Variants in GTF2B observed in about 807,000 individuals in gnomAD.
GTF2B encodes transcription initiation factor IIB.
GTF2B carries 20 observed loss-of-function variants against 34.6 expected under a neutral mutation model. The observed-to-expected ratio is 0.58, with a 90% CI of 0.41 to 0.84. The LOEUF (loss-of-function observed/expected upper bound fraction) is 0.84, where lower values mean the gene tolerates loss of function less well. GTF2B is among the 40% of genes least tolerant of loss of function. GTF2B has a pLI of 0.00. For missense variants in GTF2B, 237 were observed against 393.3 expected, an observed-to-expected ratio of 0.60 and a Z score of 3.36; for synonymous variants, 142 against 132.4, an observed-to-expected ratio of 1.07 and a Z score of -0.50.
intron 2 of GTF2B, among the ~76,000 whole-genome samples, chr1:88,882,120 G>C (rs1027419822): frequency 6.6e-6 from 1 of 151,952 alleles, no homozygotes; most frequent in African/African-American, 2.4e-5. Flanking sequence ...AACTAGCCTG[G>C]ACAACGTGGT....
intron 2 of GTF2B, among the ~76,000 whole-genome samples, chr1:88,873,907 A>G (rs1249817943): frequency 6.6e-6 from 1 of 152,234 alleles, no homozygotes; most frequent in Admixed American, 6.5e-5. Flanking sequence ...ATACATGCCC[A>G]TGTAAAACTC....
chr1:88,873,385 G>C (rs959511130), intron 2 of GTF2B, among the ~76,000 whole-genome samples: 1 of 151,626 alleles, frequency 6.6e-6, no homozygotes, highest in Non-Finnish European at 1.5e-5. Context: ...ATTTTTAGTA[G>C]AGACGAGGTT....
At chr1:88,874,497 ATTT>A (rs56331310) in intron 2 of GTF2B, among the ~76,000 whole-genome samples, 60,752 of 83,134 alleles carry the variant, frequency 0.73, 23,244 homozygotes, top group Non-Finnish European at 0.85. Context: ...AGCTAATTAA[ATTT>A]TTTTTTTTTT....
At chr1:88,865,703 T>G (rs992694573) in intron 2 of GTF2B, among the ~76,000 whole-genome samples, 8 of 151,360 alleles carry the variant, frequency 5.3e-5, no homozygotes, top group Non-Finnish European at 1.2e-4. Flanking sequence ...AAATACAAAA[T>G]AGCTGGGCGT....
intron 2 of GTF2B, among the ~76,000 whole-genome samples, chr1:88,866,433 G>C (rs538776517): frequency 2.0e-5 from 3 of 152,100 alleles, no homozygotes; most frequent in Admixed American, 6.5e-5. Flanking sequence ...TTTTCAGACA[G>C]GGTCTCACTC....
chr1:88,875,971 T>G (rs1272673744), intron 2 of GTF2B, among the ~76,000 whole-genome samples: 1 of 152,188 alleles, frequency 6.6e-6, no homozygotes, highest in East Asian at 1.9e-4. Context: ...TTTCCCCTTC[T>G]GTAAAATGGA....
chr1:88,869,048 G>A (rs1281498152), intron 2 of GTF2B, among the ~76,000 whole-genome samples: 7 of 152,028 alleles, frequency 4.6e-5, no homozygotes, highest in Non-Finnish European at 7.3e-5. Context: ...CTGTATCTGT[G>A]TATTCTGCAT....
At chr1:88,856,006 G>C (rs1413174715) in intron 6 of GTF2B, among the ~76,000 whole-genome samples, 1 of 152,078 alleles carries the variant, frequency 6.6e-6, no homozygotes, top group Non-Finnish European at 1.5e-5. Context: ...GTGGTGGCTT[G>C]TGCCTATAAT....
At chr1:88,856,280 AAAAAAAAAAAC>A (rs1194622699) in intron 6 of GTF2B, among the ~76,000 whole-genome samples, 77 of 116,840 alleles carry the variant, frequency 6.6e-4, no homozygotes, top group African/African-American at 1.7e-3. Context: ...AACAAAAAAA[AAAAAAAAAAAC>A]AAAAAAAAAA....
At chr1:88,862,938 C>T (rs983206365) in intron 3 of GTF2B, among the ~76,000 whole-genome samples, 1 of 147,606 alleles carries the variant, frequency 6.8e-6, no homozygotes, top group Non-Finnish European at 1.5e-5. Flanking sequence ...CCCAGCCAGA[C>T]AGATTTTAAA....
chr1:88,857,398 T>C lies in GTF2B; in HGVS notation c.625A>G (p.Ile209Val). 6.2e-7 allele frequency: 1 copy of C among 1,611,860 alleles called. No individual in the cohort carries two copies. The highest frequency in any genetic ancestry group is 8.5e-7 in the Non-Finnish European group (1 of 1,177,914). ...LKALETSVDL[I>V]TTGDFMSRFC... ...CTGGACATGAAGTCCCCAGTTGTAA[T>C]CAAATCCACACTGGTTTCTAGCGCT... Residue 209 changes from isoleucine (I) to valine (V), a missense_variant, in exon 6 of 7, where the codon ATT becomes GTT. Around this residue, in one of 3 missense-constraint regions of GTF2B, gnomAD observed 29 missense variants for 105.8 expected, o/e 0.27. Coordinates refer to ENST00000370500, the MANE Select transcript of GTF2B (RefSeq NM_001514.6).
At chr1:88,858,652 G>A (rs1285024119) in intron 5 of GTF2B, 2 of 152,094 alleles carry the variant, frequency 1.3e-5, no homozygotes, top group African/African-American at 4.8e-5. Flanking sequence ...TCACTTTTAC[G>A]TAAGAAAACA....
At chr1:88,879,186 T>C (rs1673875841) in intron 2 of GTF2B, among the ~76,000 whole-genome samples, 1 of 151,822 alleles carries the variant, frequency 6.6e-6, no homozygotes, top group Admixed American at 6.6e-5. Flanking sequence ...TGACAGACAA[T>C]GAGATAAATG....
At chr1:88,871,844 A>G (rs1243163020) in intron 2 of GTF2B, among the ~76,000 whole-genome samples, 1 of 151,930 alleles carries the variant, frequency 6.6e-6, no homozygotes, top group South Asian at 2.1e-4. Flanking sequence ...CAATTCTCCT[A>G]ATTCAGCCTC....
intron 2 of GTF2B, among the ~76,000 whole-genome samples, chr1:88,879,006 T>C (rs747465383): frequency 3.9e-5 from 6 of 152,170 alleles, no homozygotes; most frequent in Non-Finnish European, 7.3e-5. Flanking sequence ...CATAAAATCA[T>C]GAGCAAGATA....
At chr1:88,854,827 A>G (rs776551178) in intron 6 of GTF2B, among the ~76,000 whole-genome samples, 10 of 152,154 alleles carry the variant, frequency 6.6e-5, no homozygotes, top group Non-Finnish European at 1.3e-4. Context: ...TCATTTTACT[A>G]CCTTTTCAGT....
intron 2 of GTF2B, among the ~76,000 whole-genome samples, chr1:88,875,541 C>CACT (rs964278772): frequency 2.6e-5 from 4 of 152,176 alleles, no homozygotes. Flanking sequence ...ATAAATTTGG[C>CACT]CACTCACTCA....
chr1:88,878,266 C>A (rs889935450), intron 2 of GTF2B, among the ~76,000 whole-genome samples: 1 of 151,920 alleles, frequency 6.6e-6, no homozygotes, highest in East Asian at 1.9e-4. Context: ...AGGGTGAGAC[C>A]CTGTCTCAAA....
intron 6 of GTF2B, among the ~76,000 whole-genome samples, chr1:88,856,268 A>G (rs1673302617): frequency 9.4e-6 from 1 of 106,792 alleles, no homozygotes; most frequent in Non-Finnish European, 1.8e-5. Flanking sequence ...GACTGTTTCA[A>G]AAACAAAAAA....
Sources: gnomAD v4.1 joint callset for allele counts (sites outside exome capture counted in the v4.1 genomes callset) on GRCh38, gnomAD v4.1.1 for gene constraint, gnomAD v4.1.1 regional missense constraint, MANE v1.5 for transcripts, NCBI Gene and HGNC (gene_info 2026-07-23, HGNC 2026-07-21) for gene names.